GNAZ: variants seen among roughly 807,000 people sequenced by gnomAD.
The protein encoded by GNAZ is guanine nucleotide-binding protein G(z) subunit alpha.
In GNAZ, 3 loss-of-function variants were observed where a neutral mutation model predicts 25.4. That is an observed-to-expected ratio of 0.12 (90% CI 0.05 to 0.30). The LOEUF (loss-of-function observed/expected upper bound fraction) is 0.30, where lower values mean the gene tolerates loss of function less well. Ranked by LOEUF, GNAZ falls within the 10% of genes least tolerant of loss-of-function variation. GNAZ has a pLI of 1.00. For missense variants in GNAZ, 241 were observed against 501.8 expected, an observed-to-expected ratio of 0.48 and a Z score of 4.97; for synonymous variants, 211 against 205.7, an observed-to-expected ratio of 1.03 and a Z score of -0.22.
Position 23,077,166 on chromosome 22 carries a change from A to AC in GNAZ, c.-450+6601dup, listed in dbSNP as rs1188970972. Among the ~76,000 whole-genome samples, 12 of 151,956 alleles carry AC rather than the reference A, an allele frequency of 7.9e-5. No homozygotes were observed. The South Asian group carries it at 2.3e-3, about 29-fold the overall frequency. ...AGTGACTGGTGAACCTCACCACTGT[A>AC]CCCCCTCCTATCTAGCAGCTTTAAC... On this transcript the variant is annotated intron_variant, in intron 1 of 2. Coordinates refer to ENST00000615612, the MANE Select transcript of GNAZ (RefSeq NM_002073.4).
At chr22:23,113,683 G>T (rs2069726657) in intron 2 of GNAZ, among the ~76,000 whole-genome samples, 1 of 152,232 alleles carries the variant, frequency 6.6e-6, no homozygotes, top group African/African-American at 2.4e-5. Context: ...CGGTACACCT[G>T]CCAGGACCTC....
At chr22:23,112,453 G>A (rs1484620833) in intron 2 of GNAZ, among the ~76,000 whole-genome samples, 1 of 152,208 alleles carries the variant, frequency 6.6e-6, no homozygotes, top group Non-Finnish European at 1.5e-5. Flanking sequence ...GAGCATGCCA[G>A]GGTGCAGCCA....
intron 2 of GNAZ, among the ~76,000 whole-genome samples, chr22:23,104,155 CG>C (rs1208098953): frequency 6.6e-6 from 1 of 150,994 alleles, no homozygotes; most frequent in East Asian, 1.9e-4. Flanking sequence ...AGGGGGCTGT[CG>C]GGGGCCATGG....
At position 23,112,904 on chromosome 22, in the gene GNAZ, A is replaced by AC. The variant is rs146669735; in HGVS notation, c.724-10179dup. On this transcript the variant is annotated intron_variant, in intron 2 of 2. Coordinates refer to ENST00000615612, the MANE Select transcript of GNAZ (RefSeq NM_002073.4). ...CCCACAGCTCCAGCTGGGCAGAGCT[A>AC]CCCCATGCTGTGCTGTGCCATGGAA... Among the ~76,000 whole-genome samples, 890 of 152,292 alleles carry AC rather than the reference A, an allele frequency of 5.8e-3. 10 individuals carry two copies. The highest frequency in any genetic ancestry group is 0.021 in the African/African-American group (854 of 41,556).
intron 1 of GNAZ, among the ~76,000 whole-genome samples, chr22:23,079,416 G>A (rs1221375785): frequency 6.6e-6 from 1 of 152,170 alleles, no homozygotes; most frequent in African/African-American, 2.4e-5. Context: ...TTAAGAGTGA[G>A]GGATGGTGCT....
intron 2 of GNAZ, among the ~76,000 whole-genome samples, chr22:23,108,443 A>C (rs1299603335): frequency 6.6e-6 from 1 of 152,262 alleles, no homozygotes; most frequent in Non-Finnish European, 1.5e-5. Context: ...AGGGTAGCAC[A>C]GCAAAGGCCT....
intron 1 of GNAZ, among the ~76,000 whole-genome samples, chr22:23,084,708 C>A (rs141710922): frequency 8.5e-4 from 130 of 152,332 alleles, no homozygotes; most frequent in African/African-American, 3.0e-3. Flanking sequence ...TGCAGCCCCG[C>A]CCTTCACTAC....
intron 2 of GNAZ, among the ~76,000 whole-genome samples, chr22:23,121,373 C>T (rs1483655309): frequency 1.3e-5 from 2 of 152,206 alleles, no homozygotes; most frequent in Non-Finnish European, 2.9e-5. Flanking sequence ...CCTCAGAGAA[C>T]TCAGGGGCTC....
intron 2 of GNAZ, among the ~76,000 whole-genome samples, chr22:23,097,905 C>T (rs1292567801): frequency 6.6e-6 from 1 of 152,254 alleles, no homozygotes; most frequent in Admixed American, 6.5e-5. Context: ...TGGCAAATTC[C>T]CCGGGCACCA....
Position 23,092,058 on chromosome 22 carries a change from G to A in GNAZ, c.-449-3189G>A, listed in dbSNP as rs534709090. ...AGCCATGCCCAGAGGCACTGTGGTG[G>A]GGGGTCCTGGGTGTTGAGCTCTAGT... On this transcript the variant is annotated intron_variant, in intron 1 of 2. Coordinates refer to ENST00000615612, the MANE Select transcript of GNAZ (RefSeq NM_002073.4). Among the ~76,000 whole-genome samples the A allele has an allele frequency of 3.3e-5, 5 of 152,320 alleles. No homozygotes were observed. In the South Asian group the frequency reaches 1.0e-3, roughly 32 times the overall value.
At chr22:23,078,431 T>C (rs2068569364) in intron 1 of GNAZ, among the ~76,000 whole-genome samples, 1 of 152,164 alleles carries the variant, frequency 6.6e-6, no homozygotes, top group South Asian at 2.1e-4. Flanking sequence ...GGGCTGCCCT[T>C]GTCCCCCCAA....
intron 2 of GNAZ, among the ~76,000 whole-genome samples, chr22:23,112,484 C>G (rs1285990937): frequency 6.6e-6 from 1 of 152,084 alleles, no homozygotes; most frequent in Non-Finnish European, 1.5e-5. Flanking sequence ...TGACCACAAC[C>G]AGGGGTATGA....
intron 1 of GNAZ, among the ~76,000 whole-genome samples, chr22:23,086,782 T>C (rs1355702452): frequency 6.6e-6 from 1 of 152,138 alleles, no homozygotes; most frequent in Non-Finnish European, 1.5e-5. Context: ...GGAGCCCACT[T>C]CCCACTGGGT....
intron 1 of GNAZ, among the ~76,000 whole-genome samples, chr22:23,080,717 C>A (rs1324818138): frequency 6.6e-6 from 1 of 152,240 alleles, no homozygotes; most frequent in Non-Finnish European, 1.5e-5. Flanking sequence ...AGCCATGAAT[C>A]AGTGATGTCT....
At chr22:23,109,208 G>T (rs1399782520) in intron 2 of GNAZ, among the ~76,000 whole-genome samples, 1 of 152,172 alleles carries the variant, frequency 6.6e-6, no homozygotes, top group Non-Finnish European at 1.5e-5. Context: ...AGCCTCTGGG[G>T]TAAGGTAGAG....
intron 2 of GNAZ, among the ~76,000 whole-genome samples, chr22:23,109,764 C>T (rs975815968): frequency 1.3e-5 from 2 of 152,190 alleles, no homozygotes; most frequent in East Asian, 3.9e-4. Flanking sequence ...AAACAGCTGC[C>T]CCAGCCCTGG....
intron 1 of GNAZ, among the ~76,000 whole-genome samples, chr22:23,086,382 A>T (rs1293444479): frequency 6.6e-6 from 1 of 152,226 alleles, no homozygotes; most frequent in Non-Finnish European, 1.5e-5. Flanking sequence ...GCATGAGATG[A>T]CGTGTGTGAG....
Position 23,123,437 on chromosome 22 carries a change from T to C in GNAZ, c.*6T>C, listed in dbSNP as rs1237333403. The stretch of plus-strand genomic sequence containing the variant: ...AGTACATTGGCCTTTGCTGAGGAGC[T>C]GGGCCCGGGGCCCGCCTGCCTATGG... On this transcript the variant is annotated 3_prime_UTR_variant, in exon 3 of 3. Coordinates refer to ENST00000615612, the MANE Select transcript of GNAZ (RefSeq NM_002073.4). 6.9e-6 allele frequency: 11 copies of C among 1,590,784 alleles called. No individual in the cohort carries two copies. Among genetic ancestry groups the C allele is most frequent in the Non-Finnish European group, 9.5e-6 (11 of 1,162,276 alleles).
Position 23,123,497 on chromosome 22 carries a change from T to C in GNAZ, c.*66T>C. ...CGGGGTGTCATGCCCCAACGCGTGCTAGAGAGGCCCAATCCAGGGGCAGAA... is the reference window on the plus strand; with the variant it reads ...CGGGGTGTCATGCCCCAACGCGTGCCAGAGAGGCCCAATCCAGGGGCAGAA... On this transcript the variant is annotated 3_prime_UTR_variant, in exon 3 of 3. Coordinates refer to ENST00000615612, the MANE Select transcript of GNAZ (RefSeq NM_002073.4). 2 of 1,031,714 alleles carry C rather than the reference T, an allele frequency of 1.9e-6. No individual in the cohort carries two copies. The highest frequency in any genetic ancestry group is 2.9e-6 in the Non-Finnish European group (2 of 691,298). 63.9% of individuals were successfully genotyped at this position (1,031,714 alleles called of 1,614,324 possible). A position where few individuals can be genotyped will look rare whatever the true frequency, so the allele number is the denominator to read the frequency against.
Sources: gnomAD v4.1 joint callset for allele counts (sites outside exome capture counted in the v4.1 genomes callset) on GRCh38, gnomAD v4.1.1 for gene constraint, MANE v1.5 for transcripts, NCBI Gene and HGNC (gene_info 2026-07-23, HGNC 2026-07-21) for gene names.